Variants in ATG14 observed in about 807,000 individuals in gnomAD.
ATG14 encodes the protein beclin 1-associated autophagy-related key regulator.
A neutral mutation model predicts 60.4 loss-of-function variants in ATG14; 35 were observed. The observed-to-expected ratio is 0.58, with a 90% CI of 0.44 to 0.77. The LOEUF is 0.77. Among genes scored for constraint, ATG14 ranks in the 30% least tolerant of loss-of-function variants. The pLI is 0.00. For synonymous variants in ATG14, 234 were observed against 228.8 expected (o/e 1.02, Z -0.21); for missense variants, 647 against 626.3 (o/e 1.03, Z -0.35).
intron 4 of ATG14, among the ~76,000 whole-genome samples, chr14:55,387,500 G>A (rs1885144869): frequency 1.3e-5 from 2 of 152,248 alleles, no homozygotes; most frequent in South Asian, 4.1e-4. Flanking sequence ...AGACTCTTCT[G>A]ATGGCGCATA....
chr14:55,388,868 G>A (rs952672681), intron 4 of ATG14, among the ~76,000 whole-genome samples: 10 of 152,150 alleles, frequency 6.6e-5, no homozygotes, highest in South Asian at 4.1e-4. Context: ...AAAGTGTGGC[G>A]TCTAGATCTG....
intron 1 of ATG14, among the ~76,000 whole-genome samples, chr14:55,401,501 G>A (rs1885398061): frequency 6.6e-6 from 1 of 151,828 alleles, no homozygotes; most frequent in African/African-American, 2.4e-5. Context: ...ACTATTTTCC[G>A]TATTTTCTCT....
In ATG14 at chr14:55,402,481, C is replaced by T. The variant is rs183539117; in HGVS notation, c.222-5047G>A. Among the ~76,000 whole-genome samples, 8 of 152,178 alleles carry T rather than the reference C, an allele frequency of 5.3e-5. No individual in the cohort carries two copies. The East Asian group carries it at 1.5e-3, about 29-fold the overall frequency. ...GATTCATGTTTGAAGGCACCAATCA[C>T]AAAATCAGTCCTAATAGCAAGAAAC... On this transcript the variant is annotated intron_variant, in intron 1 of 9. Coordinates refer to ENST00000247178, the MANE Select transcript of ATG14 (RefSeq NM_014924.5).
intron 9 of ATG14, among the ~76,000 whole-genome samples, chr14:55,376,122 G>A (rs920528035): frequency 3.3e-5 from 5 of 152,134 alleles, no homozygotes; most frequent in Non-Finnish European, 4.4e-5. Context: ...AGCCAGGTGT[G>A]CACTGAGACC....
At chr14:55,397,281 C>A in intron 2 of ATG14, 91 bp downstream of exon 2, 1 of 1,082,144 alleles carries the variant, frequency 9.2e-7, no homozygotes, top group African/African-American at 1.5e-5. Flanking sequence ...AGTAAGTTAG[C>A]AATCCGTATA....
At chr14:55,371,822 CAAAG>C (rs1488671595) in intron 9 of ATG14, among the ~76,000 whole-genome samples, 1 of 151,940 alleles carries the variant, frequency 6.6e-6, no homozygotes, top group East Asian at 1.9e-4. Context: ...AACAAAAAAA[CAAAG>C]AGCCCCTCAG....
At chr14:55,376,717 A>G (rs1884924988) in intron 9 of ATG14, among the ~76,000 whole-genome samples, 1 of 152,190 alleles carries the variant, frequency 6.6e-6, no homozygotes, top group South Asian at 2.1e-4. Context: ...GGGAAACCCA[A>G]AAGAACTTTC....
chr14:55,382,973 AAG>A (rs1283339097), intron 5 of ATG14, among the ~76,000 whole-genome samples: 35 of 152,364 alleles, frequency 2.3e-4, no homozygotes, highest in African/African-American at 8.4e-4. Context: ...AAAATTAGTA[AAG>A]AGTGACACTG....
chr14:55,373,806 A>C (rs1023019909), intron 9 of ATG14, among the ~76,000 whole-genome samples: 7 of 64,042 alleles, frequency 1.1e-4, no homozygotes, highest in Non-Finnish European at 2.0e-4. Context: ...ATTTGTTTCA[A>C]AAAAAAAAAA....
chr14:55,382,930 T>A (rs924638539), intron 5 of ATG14, among the ~76,000 whole-genome samples: 3 of 152,270 alleles, frequency 2.0e-5, no homozygotes, highest in Non-Finnish European at 4.4e-5. Flanking sequence ...AATAAACCTA[T>A]TATACATTTT....
chr14:55,397,427 C>A lies in ATG14; in HGVS notation c.229G>T (p.Asp77Tyr), dbSNP rs554503349. 6.2e-7 allele frequency: 1 copy of A among 1,612,370 alleles called. No homozygotes were observed. The change falls in exon 2 of 10, where the codon GAC (aspartate) becomes TAC (tyrosine). Residue 77 changes from aspartate to tyrosine, a missense_variant. Coordinates refer to ENST00000247178, the MANE Select transcript of ATG14 (RefSeq NM_014924.5). ...FDGRDRERFI[D>Y]KKERLSRLKS... ...AGTCGGCTTAACCTTTCCTTCTTGTCGATAAACCTGTAACAAAAAAATTCA... is the reference window on the plus strand; with the variant it reads ...AGTCGGCTTAACCTTTCCTTCTTGTAGATAAACCTGTAACAAAAAAATTCA...
chr14:55,380,240 T>A (rs1235449306), intron 7 of ATG14, among the ~76,000 whole-genome samples: 1 of 146,978 alleles, frequency 6.8e-6, no homozygotes, highest in African/African-American at 2.5e-5. Context: ...AGAGCGAGAC[T>A]CTGTCTCAAA....
At chr14:55,383,761 C>CA (rs1320709235) in intron 5 of ATG14, among the ~76,000 whole-genome samples, 1 of 150,178 alleles carries the variant, frequency 6.7e-6, no homozygotes, top group East Asian at 1.9e-4. Context: ...CCTCTCAAAT[C>CA]AAAAAACAAA....
intron 1 of ATG14, among the ~76,000 whole-genome samples, chr14:55,408,417 C>T (rs749890054): frequency 3.9e-5 from 6 of 152,142 alleles, no homozygotes; most frequent in Non-Finnish European, 8.8e-5. Context: ...GATCTTGCCA[C>T]TGCACTGCCT....
intron 5 of ATG14, among the ~76,000 whole-genome samples, chr14:55,384,285 C>T (rs1885086928): frequency 6.6e-6 from 1 of 152,200 alleles, no homozygotes; most frequent in Admixed American, 6.5e-5. Flanking sequence ...AAAAGTCAGC[C>T]TTACAGAAAA....
chr14:55,399,557 A>C (rs1377324878), intron 1 of ATG14, among the ~76,000 whole-genome samples: 1 of 152,250 alleles, frequency 6.6e-6, no homozygotes, highest in African/African-American at 2.4e-5. Flanking sequence ...CAGAATACTA[A>C]GAAATCTAAT....
At chr14:55,386,734 C>T (rs1009681116) in intron 4 of ATG14, among the ~76,000 whole-genome samples, 11 of 152,010 alleles carry the variant, frequency 7.2e-5, no homozygotes, top group African/African-American at 1.2e-4. Context: ...GACATACACT[C>T]GTCCTGTCAG....
chr14:55,385,667 C>T (rs1885112577), intron 5 of ATG14, among the ~76,000 whole-genome samples, 192 bp downstream of exon 5: 1 of 152,156 alleles, frequency 6.6e-6, no homozygotes, highest in African/African-American at 2.4e-5. Context: ...AAGTGTGGGC[C>T]CCACCCCTCA....
intron 3 of ATG14, among the ~76,000 whole-genome samples, chr14:55,393,847 G>A (rs1885265995): frequency 6.6e-6 from 1 of 151,418 alleles, no homozygotes; most frequent in Non-Finnish European, 1.5e-5. Flanking sequence ...ACCACACCCA[G>A]CGCAGATTTT....
Sources: gnomAD v4.1 joint callset for allele counts (sites outside exome capture counted in the v4.1 genomes callset) on GRCh38, gnomAD v4.1.1 for gene constraint, MANE v1.5 for transcripts, NCBI Gene and HGNC (gene_info 2026-07-23, HGNC 2026-07-21) for gene names.